The following DPP6 variants were observed in gnomAD, a reference collection of about 807,000 sequenced individuals.
DPP6 encodes the protein A-type potassium channel modulatory protein DPP6.
In DPP6, 69 loss-of-function variants were observed where a neutral mutation model predicts 122.6. That is an observed-to-expected ratio of 0.56 (90% CI 0.46 to 0.69). The LOEUF (loss-of-function observed/expected upper bound fraction) is 0.69. Among genes scored for constraint, DPP6 ranks in the 30% least tolerant of loss-of-function variants. The probability of loss-of-function intolerance (pLI) is 0.00; values close to 1 mark genes in which losing one functional copy is unlikely to be tolerated. For synonymous variants in DPP6, 418 were observed against 433.1 expected (o/e 0.97, Z 0.43); for missense variants, 928 against 1,116.9 (o/e 0.83, Z 2.41).
chr7:154,531,551 A>C, intron 3 of DPP6, among the ~76,000 whole-genome samples: 1 of 152,348 alleles, frequency 6.6e-6, no homozygotes, highest in Non-Finnish European at 1.5e-5. Flanking sequence ...TCATCACGGA[A>C]GAAAATGATA....
chr7:154,418,612 T>A (rs1052348637), intron 1 of DPP6, among the ~76,000 whole-genome samples: 2 of 152,058 alleles, frequency 1.3e-5, no homozygotes, highest in African/African-American at 2.4e-5. Context: ...TCCTAGAGGG[T>A]AGGAAATAAC....
At chr7:154,869,951 G>A (rs1404717237) in intron 18 of DPP6, among the ~76,000 whole-genome samples, 1 of 150,320 alleles carries the variant, frequency 6.7e-6, no homozygotes, top group African/African-American at 2.5e-5. Flanking sequence ...GAAATGAGTA[G>A]GGAATGGTCT....
chr7:153,923,141 G>A (rs962645377), intron 1 of DPP6, among the ~76,000 whole-genome samples: 3 of 152,176 alleles, frequency 2.0e-5, no homozygotes, highest in African/African-American at 7.2e-5. Flanking sequence ...GCGTCCTAGC[G>A]GGAAAGAGGA....
chr7:154,741,214 A>G (rs1842805815), intron 8 of DPP6, among the ~76,000 whole-genome samples: 1 of 152,160 alleles, frequency 6.6e-6, no homozygotes, highest in South Asian at 2.1e-4. Flanking sequence ...ATCTGAAGTG[A>G]TCATTGCACC....
At chr7:154,320,363 C>T (rs1353052474) in intron 1 of DPP6, among the ~76,000 whole-genome samples, 3 of 152,264 alleles carry the variant, frequency 2.0e-5, no homozygotes, top group East Asian at 1.9e-4. Flanking sequence ...CAAAAACTGT[C>T]TCCTACCTTC....
Position 154,794,077 on chromosome 7 carries a change from A to T in DPP6, c.1137-2A>T. 6.2e-7 allele frequency: 1 copy of T among 1,612,684 alleles called. No individual in the cohort carries two copies. The highest frequency in any genetic ancestry group is 8.5e-7 in the Non-Finnish European group (1 of 1,179,234). ...TGCTCATGCTGTGTTTGGCGTTTCC[A>T]GGGAGTACTACATCACCATGGTGAA... On this transcript the variant is annotated splice_acceptor_variant, in intron 10 of 25. Coordinates refer to ENST00000377770, the MANE Select transcript of DPP6 (RefSeq NM_130797.4). LOFTEE classifies it high-confidence loss of function.
the DPP6 span, among the ~76,000 whole-genome samples, chr7:153,854,641 G>T: frequency 0.26 from 29,055 of 112,152 alleles, 4,420 homozygotes; most frequent in Admixed American, 0.33. Flanking sequence ...CTGTTGGTGG[G>T]ACTGTAAACT....
intron 1 of DPP6, among the ~76,000 whole-genome samples, chr7:154,064,154 C>A (rs954571301): frequency 1.3e-5 from 2 of 152,104 alleles, no homozygotes; most frequent in Non-Finnish European, 2.9e-5. Context: ...TACCCTGTAC[C>A]CCCATACACC....
intron 6 of DPP6, among the ~76,000 whole-genome samples, chr7:154,648,388 C>T (rs934509442): frequency 6.6e-6 from 1 of 152,222 alleles, no homozygotes; most frequent in African/African-American, 2.4e-5. Flanking sequence ...TTTGTTTCTA[C>T]GTCACCTCCT....
intron 5 of DPP6, among the ~76,000 whole-genome samples, chr7:154,589,684 G>C (rs757830416): frequency 6.6e-6 from 1 of 152,210 alleles, no homozygotes; most frequent in African/African-American, 2.4e-5. Context: ...TATGTAGCTA[G>C]TGGCTACCCT....
At chr7:154,361,293 T>G (rs1811702358) in intron 1 of DPP6, among the ~76,000 whole-genome samples, 1 of 152,202 alleles carries the variant, frequency 6.6e-6, no homozygotes, top group South Asian at 2.1e-4. Context: ...GCCCACCATC[T>G]GCTCAAGATA....
At chr7:154,272,814 G>T (rs766099636) in intron 1 of DPP6, among the ~76,000 whole-genome samples, 3 of 152,108 alleles carry the variant, frequency 2.0e-5, no homozygotes, top group Non-Finnish European at 4.4e-5. Context: ...CTCATGCTGT[G>T]TCAAACCTCC....
chr7:154,590,516 A>G (rs1832742812), intron 5 of DPP6, among the ~76,000 whole-genome samples: 1 of 148,832 alleles, frequency 6.7e-6, no homozygotes, highest in African/African-American at 2.5e-5. Context: ...TTTGTTTACT[A>G]ATAAGGTAGA....
chr7:154,283,318 G>A (rs562142141), intron 1 of DPP6, among the ~76,000 whole-genome samples: 2 of 152,274 alleles, frequency 1.3e-5, no homozygotes, highest in South Asian at 4.2e-4. Flanking sequence ...AACTCTGTGT[G>A]CCTCAGTTTA....
At chr7:153,852,701 A>G in the DPP6 span, among the ~76,000 whole-genome samples, 2 of 152,214 alleles carry the variant, frequency 1.3e-5, no homozygotes, top group Admixed American at 1.3e-4. Context: ...GTCTGTGCTT[A>G]TTTATGAAAA....
rs368568106 is a variant in DPP6, at chr7:153,995,865, G to A, written c.51+108131G>A. Among the ~76,000 whole-genome samples the A allele has an allele frequency of 6.6e-5, 10 of 152,260 alleles. No homozygotes were observed. The East Asian group carries it at 7.7e-4, about 12-fold the overall frequency. On this transcript the variant is annotated intron_variant, in intron 1 of 25. Coordinates refer to the DPP6 transcript ENST00000404039. ...GAAACATCACTTCCTCCAAGGAGTC[G>A]TTGACAGACTTAGGCCACAGTGATC...
intron 7 of DPP6, among the ~76,000 whole-genome samples, chr7:154,722,377 C>T (rs1267129536): frequency 1.3e-5 from 2 of 152,210 alleles, no homozygotes; most frequent in Non-Finnish European, 2.9e-5. Flanking sequence ...GATCCAGATT[C>T]CCACTGTGAA....
At chr7:153,792,070 T>G in the DPP6 span, among the ~76,000 whole-genome samples, 3,210 of 126,416 alleles carry the variant, frequency 0.025, no homozygotes, top group African/African-American at 0.086. Context: ...ATATTTTTAT[T>G]GTACACACAG....
At chr7:154,454,944 A>G (rs544149422) in intron 2 of DPP6, among the ~76,000 whole-genome samples, 1 of 152,288 alleles carries the variant, frequency 6.6e-6, no homozygotes, top group African/African-American at 2.4e-5. Flanking sequence ...TGAGTAACAG[A>G]ACAGCCAACT....
Sources: allele counts gnomAD v4.1 joint callset (sites outside exome capture counted in the v4.1 genomes callset), GRCh38; gene constraint gnomAD v4.1.1; transcripts MANE v1.5; gene names NCBI Gene and HGNC (gene_info 2026-07-23, HGNC 2026-07-21).